Variants in UBE2E2 observed in about 807,000 individuals in gnomAD.
UBE2E2 encodes the protein ubiquitin-conjugating enzyme E2 E2.
UBE2E2 carries 6 observed loss-of-function variants against 24.7 expected under a neutral mutation model. The ratio of observed to expected loss-of-function variants is 0.24; its 90% CI spans 0.13 to 0.48. UBE2E2 has a LOEUF of 0.48. Among genes scored for constraint, UBE2E2 ranks in the 20% least tolerant of loss-of-function variants. The probability of loss-of-function intolerance (pLI) is 0.99; values close to 1 mark genes in which losing one functional copy is unlikely to be tolerated. For missense variants in UBE2E2, 169 were observed against 245.0 expected (o/e 0.69, Z 2.07); for synonymous variants, 104 against 83.6 (o/e 1.24, Z -1.33).
intron 3 of UBE2E2, among the ~76,000 whole-genome samples, chr3:23,389,065 C>T (rs978774924): frequency 5.9e-5 from 9 of 151,480 alleles, no homozygotes; most frequent in South Asian, 2.1e-4. Context: ...AAGCAATACA[C>T]AAGAGGTAAA....
intron 3 of UBE2E2, among the ~76,000 whole-genome samples, chr3:23,445,923 CT>C (rs1306232992): frequency 1.3e-5 from 2 of 152,124 alleles, no homozygotes; most frequent in Admixed American, 6.5e-5. Context: ...AGCATTGTGA[CT>C]TCTCTTTTGG....
intron 3 of UBE2E2, among the ~76,000 whole-genome samples, chr3:23,218,111 G>A (rs979462848): frequency 2.6e-5 from 4 of 151,984 alleles, no homozygotes; most frequent in Admixed American, 6.6e-5. Context: ...TGAGAGGGCC[G>A]ATTAAATAAA....
intron 3 of UBE2E2, among the ~76,000 whole-genome samples, chr3:23,428,791 T>A (rs1697989317): frequency 6.6e-6 from 1 of 151,546 alleles, no homozygotes; most frequent in Admixed American, 6.6e-5. Flanking sequence ...AACACCCCAT[T>A]TCTACAAAAA....
At chr3:23,303,715 G>C (rs1272256451) in intron 3 of UBE2E2, among the ~76,000 whole-genome samples, 1 of 152,124 alleles carries the variant, frequency 6.6e-6, no homozygotes, top group East Asian at 1.9e-4. Flanking sequence ...CTTCCATACA[G>C]CGTACTTGGA....
chr3:23,205,581 T>G (rs1239982653), intron 1 of UBE2E2, among the ~76,000 whole-genome samples: 2 of 152,190 alleles, frequency 1.3e-5, no homozygotes, highest in Non-Finnish European at 2.9e-5. Context: ...CTTTTATTAT[T>G]GATATTTGAA....
intron 5 of UBE2E2, among the ~76,000 whole-genome samples, chr3:23,547,316 T>G (rs1695547568): frequency 6.6e-6 from 1 of 152,194 alleles, no homozygotes; most frequent in African/African-American, 2.4e-5. Flanking sequence ...AGGCAGGGAT[T>G]TACCACAGGT....
chr3:23,238,701 G>C (rs986705581), intron 3 of UBE2E2, among the ~76,000 whole-genome samples: 1 of 152,194 alleles, frequency 6.6e-6, no homozygotes, highest in Non-Finnish European at 1.5e-5. Flanking sequence ...TGTGGCCTAA[G>C]TCTAAACATG....
rs1697204303 is a variant in UBE2E2 at position 23,239,518 on chromosome 3, T to C, written c.227+22206T>C. On this transcript the variant is annotated intron_variant, in intron 3 of 5. Transcript: ENST00000396703. ...GTCTATTCTGGGCATTTTGTATAAA[T>C]GGAATCATACAAGGTGTGGCCTTTT... Among the ~76,000 whole-genome samples the C allele has an allele frequency of 2.0e-5, 3 of 152,194 alleles. 1 individual carries two copies. Among genetic ancestry groups the C allele is most frequent in the Admixed American group, 2.0e-4 (3 of 15,274 alleles).
At chr3:23,384,287 C>T (rs905515276) in intron 3 of UBE2E2, among the ~76,000 whole-genome samples, 6 of 152,120 alleles carry the variant, frequency 3.9e-5, no homozygotes, top group Admixed American at 3.3e-4. Context: ...CTCAGCCTCC[C>T]GAGTAGCTGG....
chr3:23,523,320 C>T, intron 4 of UBE2E2, among the ~76,000 whole-genome samples: 1 of 152,122 alleles, frequency 6.6e-6, no homozygotes, highest in Middle Eastern at 3.2e-3. Context: ...AGATTTGCTT[C>T]CCGTGATGGG....
chr3:23,476,471 G>T (rs1699140617), intron 3 of UBE2E2, among the ~76,000 whole-genome samples: 2 of 152,086 alleles, frequency 1.3e-5, no homozygotes, highest in African/African-American at 4.8e-5. Flanking sequence ...AAGGGAGGAG[G>T]CTTGCTTGAG....
At chr3:23,350,165 A>C (rs1231066097) in intron 3 of UBE2E2, among the ~76,000 whole-genome samples, 3 of 152,262 alleles carry the variant, frequency 2.0e-5, no homozygotes, top group East Asian at 1.9e-4. Flanking sequence ...ACAGACCTGC[A>C]GCTGAGGGTC....
chr3:23,537,319 T>C (rs1695289833), intron 5 of UBE2E2, among the ~76,000 whole-genome samples: 3 of 152,172 alleles, frequency 2.0e-5, no homozygotes. Context: ...CAAATGAAAA[T>C]GCTCTAAGCA....
intron 5 of UBE2E2, among the ~76,000 whole-genome samples, chr3:23,575,412 G>C (rs917110015): frequency 6.6e-6 from 1 of 152,100 alleles, no homozygotes; most frequent in East Asian, 1.9e-4. Context: ...AATTTTGACC[G>C]AGTACTGAGG....
chr3:23,263,735 G>A (rs1052356445), intron 3 of UBE2E2, among the ~76,000 whole-genome samples: 57 of 152,080 alleles, frequency 3.7e-4, no homozygotes, highest in Non-Finnish European at 1.0e-4. Flanking sequence ...TTTTGGCAAA[G>A]GCTTAAAAGG....
intron 3 of UBE2E2, among the ~76,000 whole-genome samples, chr3:23,411,537 G>A (rs528263751): frequency 1.3e-5 from 2 of 152,280 alleles, no homozygotes; most frequent in Non-Finnish European, 2.9e-5. Context: ...CTCCTGAGAG[G>A]AGCGAGGAGG....
intron 5 of UBE2E2, among the ~76,000 whole-genome samples, chr3:23,553,931 G>T (rs978481035): frequency 2.6e-5 from 4 of 152,068 alleles, no homozygotes; most frequent in Non-Finnish European, 5.9e-5. Flanking sequence ...TCATGCTCAT[G>T]GACTGGAAGA....
intron 3 of UBE2E2, among the ~76,000 whole-genome samples, chr3:23,242,008 C>T (rs904712606): frequency 6.6e-6 from 1 of 152,184 alleles, no homozygotes; most frequent in Non-Finnish European, 1.5e-5. Flanking sequence ...CTTTTGTGCT[C>T]AAGCTATCCT....
chr3:23,235,777 G>A (rs943212947), intron 3 of UBE2E2, among the ~76,000 whole-genome samples: 6 of 152,102 alleles, frequency 3.9e-5, no homozygotes, highest in African/African-American at 1.4e-4. Flanking sequence ...TTGGGGAAAT[G>A]GTGGTGCCTG....
Sources: gnomAD v4.1 joint callset for allele counts (sites outside exome capture counted in the v4.1 genomes callset) on GRCh38, gnomAD v4.1.1 for gene constraint, MANE v1.5 for transcripts, NCBI Gene and HGNC (gene_info 2026-07-23, HGNC 2026-07-21) for gene names.